Variants in PTPRM observed in about 807,000 individuals in gnomAD.
PTPRM encodes protein tyrosine phosphatase receptor type M.
PTPRM carries 47 observed loss-of-function variants against 186.7 expected under a neutral mutation model. The observed-to-expected ratio is 0.25, with a 90% CI of 0.20 to 0.32. The LOEUF is 0.32. PTPRM is among the 10% of genes least tolerant of loss of function. The pLI, the probability that PTPRM is intolerant of heterozygous loss-of-function variation, is 1.00. For synonymous variants in PTPRM, 668 were observed against 674.9 expected (o/e 0.99, Z 0.16); for missense variants, 1,494 against 1,865.0 (o/e 0.80, Z 3.66).
intron 2 of PTPRM, among the ~76,000 whole-genome samples, chr18:7,847,668 A>G (rs2046663601): frequency 6.6e-6 from 1 of 152,144 alleles, no homozygotes; most frequent in African/African-American, 2.4e-5. Context: ...AAGAGATGAC[A>G]GGCTCAAGCT....
intron 2 of PTPRM, among the ~76,000 whole-genome samples, chr18:7,813,146 G>T (rs559507400): frequency 6.6e-6 from 1 of 152,342 alleles, no homozygotes; most frequent in South Asian, 2.1e-4. Context: ...ATATGCCAGT[G>T]CCATGTTCTT....
chr18:7,922,458 A>G (rs1047977200), intron 4 of PTPRM, among the ~76,000 whole-genome samples: 9 of 152,188 alleles, frequency 5.9e-5, no homozygotes, highest in Non-Finnish European at 1.2e-4. Flanking sequence ...ATAGTGGGGA[A>G]ATTGTTTACC....
intron 5 of PTPRM, among the ~76,000 whole-genome samples, chr18:7,934,054 C>T (rs1442362792): frequency 6.6e-6 from 1 of 152,216 alleles, no homozygotes; most frequent in Non-Finnish European, 1.5e-5. Context: ...GTGGCATCCA[C>T]ATTAAACGTT....
chr18:8,085,608 G>A, intron 9 of PTPRM, 63 bp from the exon 10 acceptor site: 1 of 1,402,188 alleles, frequency 7.1e-7, no homozygotes, highest in South Asian at 1.2e-5. Flanking sequence ...GGGTTTATTG[G>A]ATAAAGATGC....
At chr18:8,288,725 T>C (rs908318785) in intron 19 of PTPRM, among the ~76,000 whole-genome samples, 23 of 152,184 alleles carry the variant, frequency 1.5e-4, no homozygotes, top group African/African-American at 5.5e-4. Flanking sequence ...TTATTTCTGC[T>C]CCAGTGCTCT....
chr18:7,912,148 G>A (rs527956949), intron 4 of PTPRM, among the ~76,000 whole-genome samples: 69 of 151,832 alleles, frequency 4.5e-4, no homozygotes, highest in African/African-American at 1.4e-3. Context: ...CACTGTGCCC[G>A]TCCTATAGTT....
At chr18:7,574,882 A>G (rs926037656) in intron 1 of PTPRM, among the ~76,000 whole-genome samples, 3 of 152,164 alleles carry the variant, frequency 2.0e-5, no homozygotes, top group Admixed American at 1.3e-4. Flanking sequence ...ATACAAAAAA[A>G]TTAGCCGGGC....
At chr18:7,775,800 C>T (rs932777878) in intron 2 of PTPRM, among the ~76,000 whole-genome samples, 1 of 152,194 alleles carries the variant, frequency 6.6e-6, no homozygotes, top group African/African-American at 2.4e-5. Flanking sequence ...CCAAGTATTT[C>T]AGAATCTTTT....
At chr18:7,946,757 CAAG>C (rs1404062558) in intron 5 of PTPRM, 1 of 343,970 alleles carries the variant, frequency 2.9e-6, no homozygotes, top group Non-Finnish European at 5.7e-6. Context: ...GTGGTATAAA[CAAG>C]ACTGTTTTAC....
At chr18:8,091,382 G>A (rs72909819) in intron 11 of PTPRM, among the ~76,000 whole-genome samples, 2,070 of 152,166 alleles carry the variant, frequency 0.014, 21 homozygotes, top group Non-Finnish European at 0.022. Context: ...TTAGCATCTT[G>A]AAATTAATAA....
At chr18:7,939,112 G>A (rs1187526930) in intron 5 of PTPRM, among the ~76,000 whole-genome samples, 1 of 152,098 alleles carries the variant, frequency 6.6e-6, no homozygotes, top group African/African-American at 2.4e-5. Flanking sequence ...ATTACTCCAG[G>A]CCCTGCTGAT....
intron 22 of PTPRM, among the ~76,000 whole-genome samples, chr18:8,322,884 A>G (rs1486028244): frequency 2.0e-5 from 3 of 152,124 alleles, no homozygotes; most frequent in African/African-American, 7.2e-5. Flanking sequence ...CAGTAGTGGG[A>G]TCATAGCTTA....
intron 1 of PTPRM, among the ~76,000 whole-genome samples, chr18:7,720,125 A>G (rs539447240): frequency 9.8e-4 from 149 of 152,282 alleles, no homozygotes; most frequent in African/African-American, 3.6e-3. Context: ...TGATAGGACA[A>G]CTCATTATCA....
intron 14 of PTPRM, among the ~76,000 whole-genome samples, chr18:8,218,321 G>A (rs926460845): frequency 1.3e-5 from 2 of 152,132 alleles, no homozygotes; most frequent in South Asian, 2.1e-4. Flanking sequence ...TACCAACAAC[G>A]TGACATAATG....
chr18:7,751,892 T>C (rs1031431655), intron 1 of PTPRM, among the ~76,000 whole-genome samples: 1 of 152,236 alleles, frequency 6.6e-6, no homozygotes, highest in Non-Finnish European at 1.5e-5. Context: ...ATTTTTGTCG[T>C]TTCTTTTACA....
At chr18:8,075,342 G>A (rs1377676251) in intron 8 of PTPRM, among the ~76,000 whole-genome samples, 3 of 151,920 alleles carry the variant, frequency 2.0e-5, no homozygotes, top group Non-Finnish European at 4.4e-5. Context: ...GATTACTGTA[G>A]CTTTGCAGTC....
At chr18:8,068,608 G>T (rs1475485676) in intron 7 of PTPRM, among the ~76,000 whole-genome samples, 1 of 152,134 alleles carries the variant, frequency 6.6e-6, no homozygotes, top group African/African-American at 2.4e-5. Context: ...AAATTGTCAT[G>T]AACAGGCAAG....
chr18:7,827,475 C>T (rs1268628264), intron 2 of PTPRM, among the ~76,000 whole-genome samples: 1 of 152,176 alleles, frequency 6.6e-6, no homozygotes. Context: ...CAAGACTCTC[C>T]CATTCTCTTG....
chr18:7,699,013 A>G (rs928880152), intron 1 of PTPRM, among the ~76,000 whole-genome samples: 21 of 152,198 alleles, frequency 1.4e-4, no homozygotes, highest in African/African-American at 5.1e-4. Flanking sequence ...GCTGCACATC[A>G]GGACGTGAGT....
Sources: allele counts gnomAD v4.1 joint callset (sites outside exome capture counted in the v4.1 genomes callset), GRCh38; gene constraint gnomAD v4.1.1; transcripts MANE v1.5; gene names NCBI Gene and HGNC (gene_info 2026-07-23, HGNC 2026-07-21).